Variants in NEMP2 observed in about 807,000 individuals in gnomAD.
NEMP2 encodes the protein nuclear envelope integral membrane protein 2, also known as UPF0571 transmembrane protein.
In NEMP2, 53 loss-of-function variants were observed where a neutral mutation model predicts 54.2. The ratio of observed to expected loss-of-function variants is 0.98; its 90% CI spans 0.78 to 1.23. NEMP2 has a LOEUF of 1.23. NEMP2 is among the 50% of genes most tolerant of loss of function. The pLI is 0.00. For missense variants in NEMP2, 455 were observed against 511.3 expected (o/e 0.89, Z 1.06); for synonymous variants, 197 against 190.3 (o/e 1.04, Z -0.29).
Position 190,534,356 on chromosome 2 carries a change from C to G in NEMP2, c.97+203G>C, listed in dbSNP as rs62181053. 1.2e-5 allele frequency: 15 copies of G among 1,202,804 alleles called. No homozygotes were observed. The Admixed American group carries it at 3.1e-4, about 25-fold the overall frequency. 74.5% of individuals were successfully genotyped at this position (1,202,804 alleles called of 1,614,324 possible). A position where few individuals can be genotyped will look rare whatever the true frequency, so the allele number is the denominator to read the frequency against. Reference sequence around the variant, plus strand: ...AATTCTAAAATTACAAAATGTCCAACTGCCAGGCGAGAGACTACGGAAGCC... The same window carrying G: ...AATTCTAAAATTACAAAATGTCCAAGTGCCAGGCGAGAGACTACGGAAGCC... On this transcript the variant is annotated intron_variant, in intron 1 of 8. Coordinates refer to ENST00000409150, the MANE Select transcript of NEMP2 (RefSeq NM_001142645.2).
the NEMP2 span, among the ~76,000 whole-genome samples, chr2:190,613,430 T>C: frequency 6.6e-6 from 1 of 152,164 alleles, no homozygotes; most frequent in African/African-American, 2.4e-5. Context: ...CCAGCAAAGA[T>C]CATTCTGTTT....
At chr2:190,469,915 C>T in the NEMP2 span, 1 of 1,212,842 alleles carries the variant, frequency 8.2e-7, no homozygotes, top group Admixed American at 1.9e-5. This position sits in a 1 kb window ranked among gnomAD's most constrained non-coding sequence, Gnocchi z 5.3. Flanking sequence ...TGGCTAAAAG[C>T]CCAGTGGCCT....
the NEMP2 span, among the ~76,000 whole-genome samples, chr2:190,633,857 G>A: frequency 4.6e-5 from 7 of 152,140 alleles, no homozygotes; most frequent in Non-Finnish European, 8.8e-5. Flanking sequence ...GATCACCTGA[G>A]GCCTGGAATA....
the NEMP2 span, among the ~76,000 whole-genome samples, chr2:190,486,410 C>A: frequency 0.15 from 22,266 of 152,272 alleles, 1,851 homozygotes; most frequent in Middle Eastern, 0.22. Context: ...ATGATGCTAT[C>A]TCCTCTCTGG....
chr2:190,430,834 C>T, the NEMP2 span, among the ~76,000 whole-genome samples: 106 of 145,160 alleles, frequency 7.3e-4, no homozygotes, highest in African/African-American at 2.5e-3. Flanking sequence ...GGCGGCCGGC[C>T]GGGCGGGGGC....
chr2:190,452,676 A>G, the NEMP2 span, among the ~76,000 whole-genome samples: 1 of 152,124 alleles, frequency 6.6e-6, no homozygotes, highest in East Asian at 1.9e-4. Flanking sequence ...TTGAATGACT[A>G]ATGCCTGGTA....
At chr2:190,467,519 G>A in the NEMP2 span, among the ~76,000 whole-genome samples, 2 of 152,184 alleles carry the variant, frequency 1.3e-5, no homozygotes, top group Admixed American at 6.5e-5. This position sits in a 1 kb window ranked among gnomAD's most constrained non-coding sequence, Gnocchi z 5.5. Context: ...AGGCTGAGGC[G>A]GGAGAATTGC....
chr2:190,423,632 T>C, the NEMP2 span, among the ~76,000 whole-genome samples: 1 of 152,224 alleles, frequency 6.6e-6, no homozygotes, highest in Non-Finnish European at 1.5e-5. The surrounding 1 kb of genome is among the most constrained non-coding windows in gnomAD (Gnocchi z 4.3). Flanking sequence ...AAATAAGTTT[T>C]CATTTATCTG....
At chr2:190,627,361 T>A in the NEMP2 span, among the ~76,000 whole-genome samples, 1 of 152,246 alleles carries the variant, frequency 6.6e-6, no homozygotes, top group Non-Finnish European at 1.5e-5. The surrounding 1 kb of genome is among the most constrained non-coding windows in gnomAD (Gnocchi z 4.4). Context: ...GTGTTTTTAT[T>A]TTTCCAGATT....
At chr2:190,492,415 T>C in the NEMP2 span, among the ~76,000 whole-genome samples, 1 of 152,062 alleles carries the variant, frequency 6.6e-6, no homozygotes, top group African/African-American at 2.4e-5. This position sits in a 1 kb window ranked among gnomAD's most constrained non-coding sequence, Gnocchi z 5.2. Flanking sequence ...AGATAACCTA[T>C]AAAGGAAAAC....
chr2:190,466,917 T>G, the NEMP2 span, among the ~76,000 whole-genome samples: 1 of 152,316 alleles, frequency 6.6e-6, no homozygotes, highest in South Asian at 2.1e-4. Context: ...GAATTCCATC[T>G]GGGAAGAGGT....
At chr2:190,598,357 A>G in the NEMP2 span, among the ~76,000 whole-genome samples, 1 of 152,246 alleles carries the variant, frequency 6.6e-6, no homozygotes, top group Non-Finnish European at 1.5e-5. Flanking sequence ...AAGTTACTCA[A>G]AGATGCTTAC....
At chr2:190,579,473 G>A in the NEMP2 span, among the ~76,000 whole-genome samples, 1 of 152,010 alleles carries the variant, frequency 6.6e-6, no homozygotes, top group East Asian at 1.9e-4. Flanking sequence ...TACTTAAGAT[G>A]CCCGAAGAAT....
chr2:190,584,177 A>G, the NEMP2 span, among the ~76,000 whole-genome samples: 6 of 152,214 alleles, frequency 3.9e-5, no homozygotes, highest in African/African-American at 1.4e-4. This position sits in a 1 kb window ranked among gnomAD's most constrained non-coding sequence, Gnocchi z 4.2. Flanking sequence ...GACAAAGTGG[A>G]AAGTAGAATG....
At chr2:190,488,962 G>A in the NEMP2 span, 1 of 913,016 alleles carries the variant, frequency 1.1e-6, no homozygotes, top group Non-Finnish European at 1.6e-6. This position sits in a 1 kb window ranked among gnomAD's most constrained non-coding sequence, Gnocchi z 6.4. Context: ...AGATTTCATG[G>A]TAGTCATAAT....
the NEMP2 span, among the ~76,000 whole-genome samples, chr2:190,484,469 C>T: frequency 6.6e-6 from 1 of 152,122 alleles, no homozygotes; most frequent in East Asian, 1.9e-4. Flanking sequence ...ACAGGAATGT[C>T]GTTTTCGGTA....
the NEMP2 span, among the ~76,000 whole-genome samples, chr2:190,579,795 C>T: frequency 1.3e-5 from 2 of 152,170 alleles, no homozygotes; most frequent in South Asian, 4.1e-4. Context: ...ATCAGTCGTT[C>T]CTGAATAGCC....
the NEMP2 span, among the ~76,000 whole-genome samples, chr2:190,553,900 T>C: frequency 6.6e-6 from 1 of 152,174 alleles, no homozygotes; most frequent in Non-Finnish European, 1.5e-5. Flanking sequence ...ACAGCTCTGG[T>C]CTACAACTTC....
chr2:190,569,841 A>G, the NEMP2 span, among the ~76,000 whole-genome samples: 5 of 147,914 alleles, frequency 3.4e-5, no homozygotes. Flanking sequence ...TAAATAATTT[A>G]CTCACATGAC....
Sources: allele counts gnomAD v4.1 joint callset (sites outside exome capture counted in the v4.1 genomes callset), GRCh38; gene constraint gnomAD v4.1.1; non-coding constraint Gnocchi (gnomAD v3.1); transcripts MANE v1.5; gene names NCBI Gene and HGNC (gene_info 2026-07-23, HGNC 2026-07-21).